Variants in ANKRD29 observed in about 807,000 individuals in gnomAD.
ANKRD29 encodes ankyrin repeat domain 29, also known as ankyrin repeat domain-containing protein 29.
In ANKRD29, 32 loss-of-function variants were observed where a neutral mutation model predicts 38.0. The ratio of observed to expected loss-of-function variants is 0.84; its 90% confidence interval spans 0.64 to 1.13. The LOEUF (loss-of-function observed/expected upper bound fraction) is 1.13, where lower values mean the gene tolerates loss of function less well. ANKRD29 is among the 50% of genes most tolerant of loss of function. ANKRD29 has a pLI of 0.00. For synonymous variants in ANKRD29, 135 were observed against 152.4 expected (o/e 0.89, Z 0.84); for missense variants, 357 against 377.9 (o/e 0.94, Z 0.46).
intron 8 of ANKRD29, among the ~76,000 whole-genome samples, chr18:23,615,276 T>A (rs1298888685): frequency 8.5e-5 from 13 of 152,206 alleles, no homozygotes; most frequent in Admixed American, 8.5e-4. Flanking sequence ...CCCAAAGTGC[T>A]GGATTATAGG....
At position 23,649,115 on chromosome 18, in the gene ANKRD29, T is replaced by G; in HGVS notation, c.100A>C (p.Ser34Arg). The G allele has an allele frequency of 6.2e-7, 1 of 1,614,202 alleles. No homozygotes were observed. The highest frequency in any genetic ancestry group is 8.5e-7 in the Non-Finnish European group (1 of 1,180,002). The change falls in exon 2 of 10, where the codon AGC (serine) becomes CGC (arginine). Residue 34 changes from serine to arginine, a missense_variant. Transcript: ENST00000592179. ...NLALLKLLLN[S>R]GRVDVDCRDS... Reference sequence around the variant, plus strand: ...CTGCAGTCCACGTCCACCCGGCCGCTGTTCAACAGCAGCTTCAGCAGCGCC... The same window carrying G: ...CTGCAGTCCACGTCCACCCGGCCGCGGTTCAACAGCAGCTTCAGCAGCGCC...
At chr18:23,649,425 A>G (rs2060182972) in intron 1 of ANKRD29, 1 of 697,930 alleles carries the variant, frequency 1.4e-6, no homozygotes, top group Non-Finnish European at 2.6e-6. Flanking sequence ...ATCCAGCACT[A>G]TTAATAACCT....
chr18:23,658,367 C>T (rs2060311231), intron 1 of ANKRD29, among the ~76,000 whole-genome samples: 1 of 152,196 alleles, frequency 6.6e-6, no homozygotes, highest in South Asian at 2.1e-4. Flanking sequence ...GTGATTGTGC[C>T]AGCCTGGGCA....
At chr18:23,637,740 C>G (rs1015832535) in intron 4 of ANKRD29, among the ~76,000 whole-genome samples, 3 of 152,150 alleles carry the variant, frequency 2.0e-5, no homozygotes, top group Non-Finnish European at 1.5e-5. Flanking sequence ...CCACTGGAAA[C>G]TCCCTTGATA....
chr18:23,624,647 G>C (rs2059839953), intron 6 of ANKRD29, among the ~76,000 whole-genome samples: 1 of 152,092 alleles, frequency 6.6e-6, no homozygotes, highest in Non-Finnish European at 1.5e-5. Flanking sequence ...GGTGAAAGCT[G>C]CATGGAGACT....
chr18:23,655,800 A>G (rs2060272287), intron 1 of ANKRD29, among the ~76,000 whole-genome samples: 1 of 148,686 alleles, frequency 6.7e-6, no homozygotes, highest in Non-Finnish European at 1.5e-5. Context: ...TTTTACTTTA[A>G]AAGATAATTC....
intron 8 of ANKRD29, among the ~76,000 whole-genome samples, chr18:23,614,668 CAA>C (rs1299529959): frequency 8.7e-4 from 47 of 53,930 alleles, no homozygotes; most frequent in Admixed American, 1.5e-3. Context: ...ACCCTGTCTC[CAA>C]AAAAAAAAAA....
At chr18:23,658,393 C>A (rs919214674) in intron 1 of ANKRD29, among the ~76,000 whole-genome samples, 2 of 152,164 alleles carry the variant, frequency 1.3e-5, no homozygotes, top group East Asian at 1.9e-4. Flanking sequence ...CAGAGTGAGA[C>A]CCTGTCTCAA....
chr18:23,612,214 T>C (rs2059652150), intron 8 of ANKRD29, 24 bp from the exon 9 acceptor site: 3 of 1,602,924 alleles, frequency 1.9e-6, no homozygotes, highest in Non-Finnish European at 2.6e-6. Flanking sequence ...ACAGTGTGTG[T>C]CAGGAGTGAG....
intron 8 of ANKRD29, among the ~76,000 whole-genome samples, chr18:23,615,445 G>C (rs927018004): frequency 4.0e-5 from 6 of 151,760 alleles, no homozygotes; most frequent in Admixed American, 2.0e-4. Flanking sequence ...TTTTGAGACA[G>C]GAGCTTCTCT....
At position 23,662,691 on chromosome 18, in the gene ANKRD29, C is replaced by T; in HGVS notation, c.21+19G>A. On this transcript the variant is annotated intron_variant, in intron 1 of 9. Coordinates refer to ENST00000592179, the MANE Select transcript of ANKRD29 (RefSeq NM_173505.4). ...CCGAGCCCGGCCCCAGCCCTGACCC[C>T]GGAGTCCCGGTCGCTCACCTTGAAG... The T allele has an allele frequency of 2.7e-6, 4 of 1,470,544 alleles. No individual in the cohort carries two copies. The highest frequency in any genetic ancestry group is 1.8e-6 in the Non-Finnish European group (2 of 1,117,228). 91.1% of individuals were successfully genotyped at this position (1,470,544 alleles called of 1,614,324 possible).
At position 23,624,466 on chromosome 18, in the gene ANKRD29, C is replaced by CAAAAAAAAAAAA. The variant is rs56005663; in HGVS notation, c.529-4849_529-4838dup. On this transcript the variant is annotated intron_variant, in intron 6 of 9. Transcript: ENST00000592179. ...TGGGCGACAGAGTGAGACTCCATCTCAAAAAAAAAAAAAAAAAAAAAAAAA... is the reference window on the plus strand; with the variant it reads ...TGGGCGACAGAGTGAGACTCCATCTCAAAAAAAAAAAAAAAAAAAAAAAAAAAAAAAAAAAAA... Among the ~76,000 whole-genome samples the CAAAAAAAAAAAA allele has an allele frequency of 1.8e-3, 60 of 32,434 alleles. 2 individuals are homozygous for CAAAAAAAAAAAA. Among genetic ancestry groups the CAAAAAAAAAAAA allele is most frequent in the Non-Finnish European group, 2.1e-3 (31 of 14,582 alleles). 21.3% of individuals were successfully genotyped at this position (32,434 alleles called of 152,430 possible).
intron 3 of ANKRD29, 53 bp from the exon 4 acceptor site, chr18:23,639,000 G>T (rs1331096872): frequency 5.9e-6 from 8 of 1,356,730 alleles, no homozygotes; most frequent in Admixed American, 2.2e-5. Context: ...TCTTACATTT[G>T]ATTTGAACAT....
intron 1 of ANKRD29, 131 bp from the exon 2 acceptor site, chr18:23,649,324 C>G: frequency 1.3e-6 from 1 of 743,306 alleles, no homozygotes; most frequent in East Asian, 2.7e-5. Flanking sequence ...ATTGATCCTC[C>G]AGCAATAGAC....
intron 5 of ANKRD29, among the ~76,000 whole-genome samples, chr18:23,631,834 G>T (rs2059936467): frequency 6.6e-6 from 1 of 152,148 alleles, no homozygotes; most frequent in South Asian, 2.1e-4. Context: ...CAGACGTGTG[G>T]ATCAGCTGAG....
At chr18:23,639,209 C>A (rs1179015412) in intron 3 of ANKRD29, among the ~76,000 whole-genome samples, 3 of 152,032 alleles carry the variant, frequency 2.0e-5, no homozygotes, top group Non-Finnish European at 4.4e-5. Flanking sequence ...CCTTCTATGG[C>A]AAAAGACGTG....
At chr18:23,654,883 A>G (rs1451133719) in intron 1 of ANKRD29, among the ~76,000 whole-genome samples, 1 of 152,192 alleles carries the variant, frequency 6.6e-6, no homozygotes, top group African/African-American at 2.4e-5. Flanking sequence ...TCTAATTAAA[A>G]GCTAAGAGGG....
chr18:23,634,144 C>G lies in ANKRD29; in HGVS notation c.336G>C (p.Gly112=), dbSNP rs760104664. ...GACTGGCAGCCAACAGGGCGGTGCC[C>G]CCGTCCTATGGACATGCAAAGTATA... ...GASTEFRTKD[G]GTALLAASQY... is the part of the protein sequence containing the mutation. Residue 112 remains glycine, a synonymous_variant, in exon 5 of 10, where the codon GGG becomes GGC. Transcript: ENST00000592179. 1.2e-6 allele frequency: 2 copies of G among 1,614,134 alleles called. No individual in the cohort carries two copies. Among genetic ancestry groups the G allele is most frequent in the Non-Finnish European group, 1.7e-6 (2 of 1,180,008 alleles).
At chr18:23,636,005 C>G (rs1191278020) in intron 4 of ANKRD29, among the ~76,000 whole-genome samples, 1 of 152,142 alleles carries the variant, frequency 6.6e-6, no homozygotes, top group East Asian at 1.9e-4. Context: ...TGCGTAACAG[C>G]AGGAATAAGC....
Sources: allele counts gnomAD v4.1 joint callset (sites outside exome capture counted in the v4.1 genomes callset), GRCh38; gene constraint gnomAD v4.1.1; transcripts MANE v1.5; gene names NCBI Gene and HGNC (gene_info 2026-07-23, HGNC 2026-07-21).